LYPLAL1: variants seen among roughly 807,000 people sequenced by gnomAD.
The protein encoded by LYPLAL1 is lysophospholipase like 1.
A neutral mutation model predicts 19.7 loss-of-function variants in LYPLAL1; 23 were observed. The observed-to-expected ratio is 1.17, with a 90% confidence interval of 0.84 to 1.65. The LOEUF (loss-of-function observed/expected upper bound fraction) is 1.65, where lower values mean the gene tolerates loss of function less well. Ranked by LOEUF, LYPLAL1 falls within the 40% of genes most tolerant of loss-of-function variation. The probability of loss-of-function intolerance (pLI) is 0.00; values close to 1 mark genes in which losing one functional copy is unlikely to be tolerated. For missense variants in LYPLAL1, 355 were observed against 279.4 expected, an observed-to-expected ratio of 1.27 and a Z score of -1.93; for synonymous variants, 119 against 96.3, an observed-to-expected ratio of 1.24 and a Z score of -1.38.
chr1:219,199,056 T>C (rs1359026797), intron 3 of LYPLAL1, among the ~76,000 whole-genome samples: 1 of 152,196 alleles, frequency 6.6e-6, no homozygotes, highest in African/African-American at 2.4e-5. Context: ...TCCCCATTTA[T>C]TTCTCAATAC....
chr1:219,187,013 T>C (rs1001396555), intron 2 of LYPLAL1, among the ~76,000 whole-genome samples: 1 of 151,636 alleles, frequency 6.6e-6, no homozygotes, highest in Non-Finnish European at 1.5e-5. Flanking sequence ...AAAGCTTTTT[T>C]ACCTACTTAG....
At chr1:219,268,442 G>A in the LYPLAL1 span, among the ~76,000 whole-genome samples, 1 of 152,160 alleles carries the variant, frequency 6.6e-6, no homozygotes, top group East Asian at 1.9e-4. Context: ...AACCATCAAG[G>A]GGACCAATGG....
chr1:219,421,653 A>G, the LYPLAL1 span, among the ~76,000 whole-genome samples: 1 of 152,160 alleles, frequency 6.6e-6, no homozygotes, highest in African/African-American at 2.4e-5. Flanking sequence ...TAGAGATTCT[A>G]TTATCCTACA....
chr1:219,296,487 G>C, the LYPLAL1 span, among the ~76,000 whole-genome samples: 1 of 152,090 alleles, frequency 6.6e-6, no homozygotes, highest in South Asian at 2.1e-4. Context: ...GGGTACTCAG[G>C]GTCTTTGAGA....
At chr1:219,423,573 C>T in the LYPLAL1 span, among the ~76,000 whole-genome samples, 1 of 152,122 alleles carries the variant, frequency 6.6e-6, no homozygotes, top group Non-Finnish European at 1.5e-5. Flanking sequence ...TCTAATTGTC[C>T]AATGAGACAA....
the LYPLAL1 span, among the ~76,000 whole-genome samples, chr1:219,366,111 A>C: frequency 6.6e-6 from 1 of 152,148 alleles, no homozygotes; most frequent in African/African-American, 2.4e-5. Context: ...GGAGTGAGCT[A>C]CCTAACGATG....
the LYPLAL1 span, among the ~76,000 whole-genome samples, chr1:219,396,246 A>G: frequency 6.6e-6 from 1 of 151,866 alleles, no homozygotes; most frequent in Non-Finnish European, 1.5e-5. Context: ...ACAGTTGTAG[A>G]TGTGTGGCCT....
At chr1:219,398,542 T>C in the LYPLAL1 span, among the ~76,000 whole-genome samples, 1 of 152,196 alleles carries the variant, frequency 6.6e-6, no homozygotes, top group African/African-American at 2.4e-5. Flanking sequence ...ATATTCTGAA[T>C]TCTATTTTGG....
At chr1:219,214,948 C>G (rs1234410058), downstream of LYPLAL1, among the ~76,000 whole-genome samples, 1 of 152,064 alleles carries the variant, frequency 6.6e-6, no homozygotes, top group East Asian at 1.9e-4. Context: ...CCTTGGCCTC[C>G]CAAAGTGCTG....
At chr1:219,249,655 A>T in the LYPLAL1 span, among the ~76,000 whole-genome samples, 1 of 152,074 alleles carries the variant, frequency 6.6e-6, no homozygotes, top group Non-Finnish European at 1.5e-5. Flanking sequence ...CAAATCATAC[A>T]AAAGTGCATG....
At chr1:219,252,564 C>T in the LYPLAL1 span, among the ~76,000 whole-genome samples, 30 of 152,188 alleles carry the variant, frequency 2.0e-4, no homozygotes, top group African/African-American at 6.3e-4. Context: ...GTCTTTACTT[C>T]TGTTTATGTG....
chr1:219,223,231 G>C, the LYPLAL1 span: 1 of 152,004 alleles, frequency 6.6e-6, no homozygotes, highest in East Asian at 1.9e-4. Flanking sequence ...TTGGGTAGTT[G>C]TTTGGATGTC....
At chr1:219,382,150 C>T in the LYPLAL1 span, among the ~76,000 whole-genome samples, 1 of 152,168 alleles carries the variant, frequency 6.6e-6, no homozygotes, top group Non-Finnish European at 1.5e-5. Context: ...AAGTCCACTT[C>T]ACAATTTTGT....
At chr1:219,259,197 C>G in the LYPLAL1 span, among the ~76,000 whole-genome samples, 1 of 151,876 alleles carries the variant, frequency 6.6e-6, no homozygotes, top group South Asian at 2.1e-4. Context: ...CTATGGAAAA[C>G]AATATGGAGA....
At chr1:219,340,571 G>T in the LYPLAL1 span, among the ~76,000 whole-genome samples, 5 of 151,920 alleles carry the variant, frequency 3.3e-5, no homozygotes, top group African/African-American at 1.2e-4. Flanking sequence ...TTTTCCATGC[G>T]TATACTTTTG....
chr1:219,257,356 TTTG>T, the LYPLAL1 span, among the ~76,000 whole-genome samples: 1,141 of 42,716 alleles, frequency 0.027, 26 homozygotes, highest in African/African-American at 0.068. Context: ...CATACCAGTT[TTTG>T]TTTTTTTTTT....
intron 3 of LYPLAL1, among the ~76,000 whole-genome samples, chr1:219,203,063 G>A (rs951776097): frequency 2.1e-5 from 3 of 142,008 alleles, no homozygotes; most frequent in African/African-American, 7.7e-5. Flanking sequence ...AATATGAAGG[G>A]GATAGGTTCA....
chr1:219,226,458 A>T, the LYPLAL1 span, among the ~76,000 whole-genome samples: 1 of 152,210 alleles, frequency 6.6e-6, no homozygotes, highest in East Asian at 1.9e-4. Flanking sequence ...GACACTGATC[A>T]TCGGTCAAAA....
the LYPLAL1 span, among the ~76,000 whole-genome samples, chr1:219,223,934 A>G: frequency 6.6e-6 from 1 of 152,104 alleles, no homozygotes; most frequent in Admixed American, 6.5e-5. Context: ...TTAGTTAAAA[A>G]TCACTCTGTT....
Sources: gnomAD v4.1 joint callset for allele counts (sites outside exome capture counted in the v4.1 genomes callset) on GRCh38, gnomAD v4.1.1 for gene constraint, MANE v1.5 for transcripts, NCBI Gene and HGNC (gene_info 2026-07-23, HGNC 2026-07-21) for gene names.